Variants in GAREM2 observed in about 807,000 individuals in gnomAD.
The protein encoded by GAREM2 is GRB2 associated regulator of MAPK1 subtype 2.
GAREM2 carries 30 observed loss-of-function variants against 55.6 expected under a neutral mutation model. The observed-to-expected ratio is 0.54, with a 90% CI of 0.40 to 0.73. GAREM2 has a LOEUF of 0.73. GAREM2 is among the 30% of genes least tolerant of loss of function. The probability of loss-of-function intolerance (pLI) is 0.00; values close to 1 mark genes in which losing one functional copy is unlikely to be tolerated. For synonymous variants in GAREM2, 550 were observed against 569.1 expected, an observed-to-expected ratio of 0.97 and a Z score of 0.48; for missense variants, 1,075 against 1,257.7, an observed-to-expected ratio of 0.85 and a Z score of 2.20.
chr2:26,184,693 C>G lies in GAREM2; in HGVS notation c.845C>G (p.Pro282Arg). Residue 282 changes from proline (P) to arginine (R), a missense_variant, in exon 4 of 6, where the codon CCG (proline) becomes CGG (arginine). Transcript: ENST00000401533. ...CCGCGCAACCCCTACGACCTGCACC[C>G]GGTGCGGGAGGGTCATTGCTACAAG... ...RPPRNPYDLHPVREGHCYKLV... is the reference protein window; with the variant it reads ...RPPRNPYDLHRVREGHCYKLV... The G allele has an allele frequency of 6.5e-7, 1 of 1,541,390 alleles. No homozygotes were observed.
intron 1 of GAREM2, among the ~76,000 whole-genome samples, chr2:26,174,990 C>T (rs1363342029): frequency 1.3e-5 from 2 of 152,044 alleles, no homozygotes; most frequent in Admixed American, 6.6e-5. Flanking sequence ...TGAGGAGGTA[C>T]AGGGGAAAGC....
chr2:26,179,881 TG>T lies in GAREM2; in HGVS notation c.254-3083del, dbSNP rs1345676502. On this transcript the variant is annotated intron_variant, in intron 2 of 5. Transcript: ENST00000401533. This position sits in a 1 kb window ranked among gnomAD's most constrained non-coding sequence, Gnocchi z 4.7. ...CTCCAAGTCGCCCCACAGGGGGCAG[TG>T]GGCATTGCTCCCTGCCTGGCTACTT... 6.7e-6 allele frequency among the ~76,000 whole-genome samples: 1 copy of T among 150,104 alleles called. No individual in the cohort carries two copies. The highest frequency in any genetic ancestry group is 2.0e-4 in the East Asian group (1 of 4,924).
chr2:26,192,647 G>A (rs1282200493), downstream of GAREM2, among the ~76,000 whole-genome samples: 1 of 152,070 alleles, frequency 6.6e-6, no homozygotes, highest in Admixed American at 6.5e-5. Flanking sequence ...TTAGCTGGGC[G>A]AAGCAGGAGG....
the GAREM2 span, among the ~76,000 whole-genome samples, chr2:26,199,710 A>G: frequency 6.6e-6 from 1 of 151,962 alleles, no homozygotes; most frequent in African/African-American, 2.4e-5. Flanking sequence ...CTCTTTTTTT[A>G]TTTTTTAAAT....
At position 26,188,607 on chromosome 2, in the gene GAREM2, C is replaced by T. The variant is rs1047864111; in HGVS notation, c.*350C>T. ...ATGCCCTGCTATAGACCTTCACAAA[C>T]GACTTCCACTGCTGAAGCCTGTAGG... On this transcript the variant is annotated 3_prime_UTR_variant, in exon 6 of 6. Coordinates refer to ENST00000401533, the MANE Select transcript of GAREM2 (RefSeq NM_001168241.2). The T allele has an allele frequency of 4.1e-5, 9 of 219,064 alleles. No individual in the cohort carries two copies. Among genetic ancestry groups the T allele is most frequent in the South Asian group, 1.8e-4 (1 of 5,454 alleles). 13.6% of individuals were successfully genotyped at this position (219,064 alleles called of 1,614,324 possible).
At chr2:26,173,659 C>T (rs1668771092) in intron 1 of GAREM2, among the ~76,000 whole-genome samples, 1 of 151,898 alleles carries the variant, frequency 6.6e-6, no homozygotes, top group South Asian at 2.1e-4. Context: ...GCCCCTGGGC[C>T]CCCCGCCCCG....
intron 2 of GAREM2, among the ~76,000 whole-genome samples, chr2:26,177,354 T>C (rs1668895795): frequency 6.6e-6 from 1 of 152,202 alleles, no homozygotes; most frequent in African/African-American, 2.4e-5. Flanking sequence ...ATCTGCCATG[T>C]GTTAAGCATG....
chr2:26,184,257 G>A lies in GAREM2; in HGVS notation c.409G>A (p.Asp137Asn). 1 of 1,550,746 alleles carries A rather than the reference G, an allele frequency of 6.4e-7. No individual in the cohort carries two copies. Residue 137 changes from aspartate to asparagine, a missense_variant, in exon 4 of 6, where the codon GAC becomes AAC. Physicochemically the swap from Asp to Asn is conservative, Grantham distance 23. Coordinates refer to ENST00000401533, the MANE Select transcript of GAREM2 (RefSeq NM_001168241.2). ...VKVVSGEFSE[D>N]SEVYNFTLHA... ...GGTGGTGTCGGGCGAGTTCAGCGAG[G>A]ACAGCGAGGTGTACAACTTCACGCT...
downstream of GAREM2, chr2:26,193,893 A>T: frequency 1.3e-6 from 1 of 776,432 alleles, no homozygotes; most frequent in Non-Finnish European, 2.3e-6. Context: ...TCACCTGACC[A>T]GGCCCAGGAC....
At position 26,182,375 on chromosome 2, in the gene GAREM2, G is replaced by C. The variant is rs1196204440; in HGVS notation, c.254-592G>C. On this transcript the variant is annotated intron_variant, in intron 2 of 5. Transcript: ENST00000401533. ...TGGACCAGGGCAGGGTGTGGGAACAGAGCTGGGGTCAGAGTGGTTCTCCCA... is the reference window on the plus strand; with the variant it reads ...TGGACCAGGGCAGGGTGTGGGAACACAGCTGGGGTCAGAGTGGTTCTCCCA... 6 of 1,541,612 alleles carry C rather than the reference G, an allele frequency of 3.9e-6. No homozygotes were observed. The South Asian group carries it at 6.0e-5, about 15-fold the overall frequency.
At chr2:26,183,864 C>T (rs185539657) in intron 3 of GAREM2, among the ~76,000 whole-genome samples, 2 of 152,366 alleles carry the variant, frequency 1.3e-5, no homozygotes, top group African/African-American at 2.4e-5. Flanking sequence ...GCATTATGAT[C>T]GCCCAAATGG....
chr2:26,203,072 T>C, the GAREM2 span, among the ~76,000 whole-genome samples: 3 of 152,342 alleles, frequency 2.0e-5, no homozygotes, highest in East Asian at 1.9e-4. Flanking sequence ...TTTGGGATGC[T>C]TGCATGCTAG....
At position 26,185,200 on chromosome 2, in the gene GAREM2, TCTC is replaced by T. The variant is rs1247795387; in HGVS notation, c.1355_1357del (p.Ser452del). The T allele has an allele frequency of 6.6e-7, 1 of 1,520,126 alleles. No homozygotes were observed. Among genetic ancestry groups the T allele is most frequent in the African/African-American group, 1.4e-5 (1 of 70,570 alleles). 94.2% of individuals were successfully genotyped at this position (1,520,126 alleles called of 1,614,324 possible). ...CGGCCGCCCCCAGGGCTCGATCTCA[TCTC>T]CTTCGGGGCCGCGGGACCGCCGCGT... On this transcript the variant is annotated inframe_deletion, in exon 4 of 6. Transcript: ENST00000401533.
At chr2:26,181,037 G>C (rs1669035419) in intron 2 of GAREM2, 1 of 985,316 alleles carries the variant, frequency 1.0e-6, no homozygotes, top group East Asian at 1.1e-4. Flanking sequence ...AGTATCTCTT[G>C]GTCTGTTTCT....
chr2:26,174,179 C>T (rs1558303217), intron 1 of GAREM2, among the ~76,000 whole-genome samples: 1 of 152,204 alleles, frequency 6.6e-6, no homozygotes, highest in Non-Finnish European at 1.5e-5. Flanking sequence ...CCCGCGGCCG[C>T]AGGCTCCTCG....
Position 26,187,366 on chromosome 2 carries a change from A to G in GAREM2, c.1734A>G (p.Thr578=), listed in dbSNP as rs906994356. 7 of 1,546,882 alleles carry G rather than the reference A, an allele frequency of 4.5e-6. No individual in the cohort carries two copies. The highest frequency in any genetic ancestry group is 6.1e-6 in the Non-Finnish European group (7 of 1,144,758). ...RPAPGPLPST[T]QPSQASRALT... is the part of the protein sequence containing the mutation. ...CCCCCGGTCCCCTACCCTCAACCAC[A>G]CAGCCCAGCCAGGCCTCCCGGGCCC... Residue 578 remains threonine, a synonymous_variant, in exon 6 of 6, where the codon ACA becomes ACG. Transcript: ENST00000401533.
chr2:26,181,976 C>CA (rs1022318489), intron 2 of GAREM2: 54 of 986,278 alleles, frequency 5.5e-5, no homozygotes, highest in African/African-American at 1.1e-4. Context: ...GACCCTGTCT[C>CA]AAAAAAAACA....
chr2:26,176,350 A>G lies in GAREM2; in HGVS notation c.119A>G (p.Tyr40Cys), dbSNP rs1347047713. 5.8e-6 allele frequency: 9 copies of G among 1,540,470 alleles called. No homozygotes were observed. The East Asian group carries it at 2.0e-4, about 34-fold the overall frequency. ...PTLACLGPGE[Y>C]AEGVSERDIL... Reference sequence around the variant, plus strand: ...TCCTCCTCCCCCTTCCCAGGGGAGTACGCCGAGGGCGTCAGTGAGCGAGAC... The same window carrying G: ...TCCTCCTCCCCCTTCCCAGGGGAGTGCGCCGAGGGCGTCAGTGAGCGAGAC... The change falls in exon 2 of 6, where the codon TAC becomes TGC. Residue 40 changes from tyrosine to cysteine, a missense_variant. Physicochemically the swap from Tyr to Cys is radical, Grantham distance 194 (BLOSUM62 -2). Around this residue, in one of 6 missense-constraint regions of GAREM2, gnomAD observed 230 missense variants for 310.6 expected, o/e 0.74. Coordinates refer to ENST00000401533, the MANE Select transcript of GAREM2 (RefSeq NM_001168241.2).
At chr2:26,189,998 C>T (rs1038229257), downstream of GAREM2, among the ~76,000 whole-genome samples, 3 of 152,250 alleles carry the variant, frequency 2.0e-5, no homozygotes, top group African/African-American at 4.8e-5. Context: ...AGAATGCCGG[C>T]TTCAGGCTCT....
Sources: allele counts gnomAD v4.1 joint callset (sites outside exome capture counted in the v4.1 genomes callset), GRCh38; gene constraint gnomAD v4.1.1; regional missense constraint gnomAD v4.1.1; non-coding constraint Gnocchi (gnomAD v3.1); transcripts MANE v1.5; gene names NCBI Gene and HGNC (gene_info 2026-07-23, HGNC 2026-07-21).